The following SH3KBP1 variants were observed in gnomAD, a reference collection of about 807,000 sequenced individuals.
SH3KBP1 encodes the protein SH3 domain containing kinase binding protein 1.
In SH3KBP1, 8 loss-of-function variants were observed where a neutral mutation model predicts 50.1. That is an observed-to-expected ratio of 0.16 (90% confidence interval 0.09 to 0.29). The LOEUF (loss-of-function observed/expected upper bound fraction) is 0.29, where lower values mean the gene tolerates loss of function less well. SH3KBP1 is among the 10% of genes least tolerant of loss of function. The probability of loss-of-function intolerance (pLI) is 1.00; values close to 1 mark genes in which losing one functional copy is unlikely to be tolerated. For synonymous variants in SH3KBP1, 227 were observed against 218.6 expected, an observed-to-expected ratio of 1.04 and a Z score of -0.34; for missense variants, 377 against 535.2, an observed-to-expected ratio of 0.70 and a Z score of 2.92.
chrX:19,567,539 A>ATATATAT (rs2065881634), intron 13 of SH3KBP1, among the ~76,000 whole-genome samples: 1 of 67,701 alleles, frequency 1.5e-5, no homozygotes, highest in African/African-American at 7.4e-5. Context: ...AAAAAAAAAA[A>ATATATAT]AAAAAAAAAA....
chrX:19,837,462 CTTTTTTTTTTTTTTT>C (rs777871798), intron 1 of SH3KBP1, among the ~76,000 whole-genome samples: 2 of 72,753 alleles, frequency 2.7e-5, no homozygotes, highest in East Asian at 8.4e-4. Context: ...TTTCATAACA[CTTTTTTTTTTTTTTT>C]TTTTTTTTTG....
At chrX:19,867,798 C>T (rs998864684) in intron 1 of SH3KBP1, among the ~76,000 whole-genome samples, 10 of 110,677 alleles carry the variant, frequency 9.0e-5, no homozygotes, top group African/African-American at 3.3e-4. Flanking sequence ...AATGAGTGCA[C>T]ATAAATTTGA....
intron 2 of SH3KBP1, among the ~76,000 whole-genome samples, chrX:19,757,903 C>T (rs2065258805): frequency 1.8e-5 from 2 of 111,312 alleles, no homozygotes; most frequent in Admixed American, 9.6e-5. Flanking sequence ...CTAACATACA[C>T]AAAAGATTTA....
intron 6 of SH3KBP1, among the ~76,000 whole-genome samples, chrX:19,655,875 G>C (rs1316658290): frequency 8.9e-6 from 1 of 111,764 alleles, no homozygotes; most frequent in Admixed American, 9.5e-5. Flanking sequence ...ACAATACAAA[G>C]GGATAAGCAC....
intron 1 of SH3KBP1, among the ~76,000 whole-genome samples, chrX:19,868,654 T>C (rs915546733): frequency 2.9e-5 from 3 of 102,228 alleles, no homozygotes; most frequent in Non-Finnish European, 6.0e-5. Context: ...GTTGAAAATA[T>C]CCTAAGTTGT....
intron 10 of SH3KBP1, 26 bp downstream of exon 10, chrX:19,594,923 T>C: frequency 8.9e-7 from 1 of 1,121,059 alleles, no homozygotes; most frequent in Admixed American, 2.2e-5. Flanking sequence ...GCATATTTTA[T>C]TTGATGGAAC....
chrX:19,722,558 G>A (rs1315295037), intron 3 of SH3KBP1, among the ~76,000 whole-genome samples: 3 of 99,745 alleles, frequency 3.0e-5, no homozygotes, highest in African/African-American at 1.2e-4. Flanking sequence ...GTGTGTGTGC[G>A]CGTGCGCACT....
chrX:19,755,238 G>A lies in SH3KBP1; in HGVS notation c.163-8797C>T, dbSNP rs528156928. Among the ~76,000 whole-genome samples the A allele has an allele frequency of 1.6e-4, 18 of 111,262 alleles. No homozygotes were observed. In the South Asian group the frequency reaches 2.3e-3, roughly 14 times the overall value. The stretch of plus-strand genomic sequence containing the variant: ...CAAAAAATTATCAGGGTGTGGTGGC[G>A]TGTGCCTGTAATCCCAGCTACTTAG... On this transcript the variant is annotated intron_variant, in intron 2 of 17. Coordinates refer to ENST00000397821, the MANE Select transcript of SH3KBP1 (RefSeq NM_031892.3).
intron 1 of SH3KBP1, among the ~76,000 whole-genome samples, chrX:19,858,492 G>A (rs1412771330): frequency 9.0e-6 from 1 of 111,306 alleles, no homozygotes; most frequent in African/African-American, 3.3e-5. Flanking sequence ...GCTAGGTGTG[G>A]TGGTACACAC....
At chrX:19,696,685 C>G (rs753087345) in intron 4 of SH3KBP1, among the ~76,000 whole-genome samples, 21 of 111,363 alleles carry the variant, frequency 1.9e-4, no homozygotes, top group South Asian at 3.8e-4. Flanking sequence ...TGTAATAGAG[C>G]CACTAGTAGT....
intron 10 of SH3KBP1, among the ~76,000 whole-genome samples, chrX:19,594,539 G>C (rs1035741742): frequency 1.8e-5 from 2 of 111,676 alleles, no homozygotes; most frequent in Non-Finnish European, 3.8e-5. Flanking sequence ...CACTATATAC[G>C]CACAACAATG....
intron 3 of SH3KBP1, among the ~76,000 whole-genome samples, chrX:19,719,919 T>C (rs937013303): frequency 9.2e-6 from 1 of 108,248 alleles, no homozygotes; most frequent in Non-Finnish European, 1.9e-5. Context: ...GAGTTAACAA[T>C]ACAGAAGAGA....
intron 2 of SH3KBP1, among the ~76,000 whole-genome samples, chrX:19,792,358 G>A (rs1603246285): frequency 2.7e-5 from 3 of 111,159 alleles, no homozygotes; most frequent in South Asian, 3.8e-4. Flanking sequence ...TATGAACCAT[G>A]GTTATCTCGG....
At chrX:19,568,710 AACTC>A (rs1413588850) in intron 13 of SH3KBP1, among the ~76,000 whole-genome samples, 11 of 112,791 alleles carry the variant, frequency 9.8e-5, no homozygotes, top group Non-Finnish European at 1.9e-4. Context: ...GCTCATTTGA[AACTC>A]AGTCAAAAGT....
intron 2 of SH3KBP1, among the ~76,000 whole-genome samples, chrX:19,805,543 A>C (rs1331272868): frequency 1.8e-5 from 2 of 108,369 alleles, no homozygotes; most frequent in Non-Finnish European, 3.8e-5. Flanking sequence ...AAAAAAAAAA[A>C]ACACCTCACA....
chrX:19,626,285 C>T (rs1227254785), intron 8 of SH3KBP1, among the ~76,000 whole-genome samples: 2 of 111,305 alleles, frequency 1.8e-5, no homozygotes, highest in African/African-American at 6.5e-5. Flanking sequence ...TACTTGGGGT[C>T]CCTACAAAGA....
intron 1 of SH3KBP1, among the ~76,000 whole-genome samples, chrX:19,875,687 G>C (rs1051457337): frequency 2.3e-4 from 26 of 112,765 alleles, no homozygotes; most frequent in African/African-American, 7.1e-4. Context: ...GGGTGGAGGT[G>C]GGAGGAGACA....
intron 6 of SH3KBP1, among the ~76,000 whole-genome samples, chrX:19,645,998 C>T (rs997150451): frequency 1.8e-5 from 2 of 111,457 alleles, no homozygotes; most frequent in Non-Finnish European, 3.8e-5. Flanking sequence ...TATTGCATCT[C>T]TGTCTAGCCA....
chrX:19,574,454 CT>C (rs2066135180), intron 12 of SH3KBP1, among the ~76,000 whole-genome samples: 1 of 112,704 alleles, frequency 8.9e-6, no homozygotes, highest in South Asian at 3.6e-4. Context: ...GTGTGGATGA[CT>C]TATAAACAAC....
Sources: allele counts gnomAD v4.1 joint callset (sites outside exome capture counted in the v4.1 genomes callset), GRCh38; gene constraint gnomAD v4.1.1; transcripts MANE v1.5; gene names NCBI Gene and HGNC (gene_info 2026-07-23, HGNC 2026-07-21).